KDM4C: variants seen among roughly 807,000 people sequenced by gnomAD.
The protein encoded by KDM4C is lysine demethylase 4C, also known as lysine-specific demethylase 4C.
A neutral mutation model predicts 129.3 loss-of-function variants in KDM4C; 81 were observed. That is an observed-to-expected ratio of 0.63 (90% CI 0.52 to 0.75). The LOEUF is 0.75. KDM4C is among the 30% of genes least tolerant of loss of function. The pLI is 0.00. For missense variants in KDM4C, 1,457 were observed against 1,304.0 expected, an observed-to-expected ratio of 1.12 and a Z score of -1.81; for synonymous variants, 573 against 456.1, an observed-to-expected ratio of 1.26 and a Z score of -3.26.
chr9:6,997,460 T>C (rs1313290876), intron 12 of KDM4C, among the ~76,000 whole-genome samples: 1 of 152,222 alleles, frequency 6.6e-6, no homozygotes, highest in Non-Finnish European at 1.5e-5. Context: ...GGCAATATGA[T>C]AGAAGAGAAA....
chr9:6,808,867 T>C (rs954195549), intron 3 of KDM4C, among the ~76,000 whole-genome samples: 4 of 152,068 alleles, frequency 2.6e-5, no homozygotes, highest in African/African-American at 9.7e-5. Context: ...GTCACAATTA[T>C]TATTATTAAA....
At chr9:6,791,997 G>C (rs904757151) in intron 1 of KDM4C, among the ~76,000 whole-genome samples, 4 of 151,710 alleles carry the variant, frequency 2.6e-5, no homozygotes, top group South Asian at 2.1e-4. Context: ...ACTCCAGCCT[G>C]GGCAACAGGA....
intron 4 of KDM4C, among the ~76,000 whole-genome samples, chr9:6,828,403 T>C (rs1343334265): frequency 6.6e-6 from 1 of 151,926 alleles, no homozygotes; most frequent in Non-Finnish European, 1.5e-5. Context: ...TGCCTCGGCC[T>C]CCCAAAGTGC....
At chr9:6,971,432 G>T (rs1831968857) in intron 8 of KDM4C, among the ~76,000 whole-genome samples, 2 of 152,162 alleles carry the variant, frequency 1.3e-5, no homozygotes. Context: ...AATTTGGACT[G>T]ATCAATGAAT....
chr9:6,992,810 G>T (rs1295663303), intron 12 of KDM4C, among the ~76,000 whole-genome samples: 2 of 152,154 alleles, frequency 1.3e-5, no homozygotes, highest in Non-Finnish European at 2.9e-5. Context: ...AACTATATTA[G>T]AGCATAGGAG....
chr9:6,726,125 C>T (rs1209729074), intron 1 of KDM4C, among the ~76,000 whole-genome samples: 2 of 152,026 alleles, frequency 1.3e-5, no homozygotes, highest in Admixed American at 1.3e-4. Flanking sequence ...GATGGGGTTT[C>T]GCCGTCGCGG....
At chr9:7,131,906 G>C (rs189067875) in intron 19 of KDM4C, among the ~76,000 whole-genome samples, 1 of 152,172 alleles carries the variant, frequency 6.6e-6, no homozygotes. Context: ...TGAGCAACTG[G>C]TGGTAGAAAA....
chr9:7,156,159 G>C (rs1359366673), intron 19 of KDM4C, among the ~76,000 whole-genome samples: 1 of 152,152 alleles, frequency 6.6e-6, no homozygotes, highest in Non-Finnish European at 1.5e-5. Context: ...GTCTTCTTTT[G>C]AGAAGGGTCT....
intron 1 of KDM4C, among the ~76,000 whole-genome samples, chr9:6,787,747 G>C (rs1045601354): frequency 5.3e-5 from 8 of 152,274 alleles, no homozygotes; most frequent in African/African-American, 1.7e-4. Flanking sequence ...TTTGACACAA[G>C]AGCCAGAATG....
chr9:6,990,161 C>T (rs1169067489), intron 11 of KDM4C, among the ~76,000 whole-genome samples: 1 of 152,118 alleles, frequency 6.6e-6, no homozygotes, highest in Admixed American at 6.6e-5. Context: ...TAAGCCTACC[C>T]TGCCCTACAG....
intron 15 of KDM4C, among the ~76,000 whole-genome samples, chr9:7,018,093 C>A (rs552475890): frequency 5.1e-4 from 78 of 152,158 alleles, no homozygotes; most frequent in Non-Finnish European, 8.2e-4. Flanking sequence ...CTGAGAAATG[C>A]ATCGTTAGGC....
chr9:7,126,340 A>C (rs962253261), intron 18 of KDM4C, among the ~76,000 whole-genome samples: 5 of 152,258 alleles, frequency 3.3e-5, no homozygotes, highest in Admixed American at 2.0e-4. Flanking sequence ...ATTTAAAAAT[A>C]AAATGAATTG....
At chr9:7,018,806 C>T in intron 15 of KDM4C, among the ~76,000 whole-genome samples, 1 of 152,212 alleles carries the variant, frequency 6.6e-6, no homozygotes. Flanking sequence ...TATGATTAAT[C>T]ACTCTTTGGA....
At chr9:7,086,352 C>T (rs1387642103) in intron 17 of KDM4C, among the ~76,000 whole-genome samples, 3 of 152,176 alleles carry the variant, frequency 2.0e-5, no homozygotes, top group African/African-American at 7.2e-5. Context: ...GCAACACCAG[C>T]ATCGGAATAG....
chr9:7,117,729 C>G (rs1231655899), intron 18 of KDM4C, among the ~76,000 whole-genome samples: 1 of 151,176 alleles, frequency 6.6e-6, no homozygotes, highest in African/African-American at 2.4e-5. Context: ...TTGTTGGCAC[C>G]CAAGAAGCCT....
chr9:6,727,386 G>A (rs1017585917), intron 1 of KDM4C: 4 of 151,600 alleles, frequency 2.6e-5, no homozygotes, highest in Admixed American at 2.0e-4. Context: ...GCGAGGTAGA[G>A]GTTGTAGTGA....
chr9:7,164,010 A>G (rs768534246), intron 19 of KDM4C, among the ~76,000 whole-genome samples: 1 of 152,230 alleles, frequency 6.6e-6, no homozygotes, highest in Non-Finnish European at 1.5e-5. Context: ...TTCTATTAGT[A>G]ATAAGAAATA....
intron 5 of KDM4C, among the ~76,000 whole-genome samples, chr9:6,862,928 A>G (rs773411334): frequency 2.0e-5 from 3 of 152,162 alleles, no homozygotes; most frequent in Non-Finnish European, 4.4e-5. Flanking sequence ...TTATAAGCCA[A>G]TTTTTATGGA....
chr9:7,118,311 G>T (rs1839138367), intron 18 of KDM4C, among the ~76,000 whole-genome samples: 1 of 152,172 alleles, frequency 6.6e-6, no homozygotes, highest in East Asian at 1.9e-4. Flanking sequence ...TTAAATACTT[G>T]TGACGTTTTG....
Sources: gnomAD v4.1 joint callset for allele counts (sites outside exome capture counted in the v4.1 genomes callset) on GRCh38, gnomAD v4.1.1 for gene constraint, MANE v1.5 for transcripts, NCBI Gene and HGNC (gene_info 2026-07-23, HGNC 2026-07-21) for gene names.